The following PLCB1 variants were observed in gnomAD, a reference collection of about 807,000 sequenced individuals.
PLCB1 encodes the protein phospholipase C beta 1.
A neutral mutation model predicts 161.8 loss-of-function variants in PLCB1; 46 were observed. That is an observed-to-expected ratio of 0.28 (90% confidence interval 0.22 to 0.36). The LOEUF (loss-of-function observed/expected upper bound fraction) is 0.36, where lower values mean the gene tolerates loss of function less well. Ranked by LOEUF, PLCB1 falls within the 10% of genes least tolerant of loss-of-function variation. PLCB1 has a pLI of 1.00. For synonymous variants in PLCB1, 517 were observed against 503.7 expected, an observed-to-expected ratio of 1.03 and a Z score of -0.35; for missense variants, 1,016 against 1,472.5, an observed-to-expected ratio of 0.69 and a Z score of 5.07.
In PLCB1 at chr20:8,825,889, G is replaced by A. The variant is rs569103088; in HGVS notation, c.3423+35628G>A. 1.6e-3 allele frequency among the ~76,000 whole-genome samples: 241 copies of A among 152,246 alleles called. 1 individual carries two copies. Among genetic ancestry groups the A allele is most frequent in the African/African-American group, 5.0e-3 (208 of 41,544 alleles). The stretch of plus-strand genomic sequence containing the variant: ...GATGTGAGAAACAGGGCCTGGAGCC[G>A]GATTGGCTGTAGGATACAGGGAAAG... On this transcript the variant is annotated intron_variant, in intron 31 of 31. Coordinates refer to ENST00000338037, the MANE Select transcript of PLCB1 (RefSeq NM_015192.4).
At chr20:8,872,927 G>A (rs75103887) in intron 31 of PLCB1, among the ~76,000 whole-genome samples, 2,334 of 152,166 alleles carry the variant, frequency 0.015, 64 homozygotes, top group South Asian at 0.12. Flanking sequence ...TTAACTGTGA[G>A]TTCCTTTGTT....
At chr20:8,789,914 A>G (rs1179501371) in intron 30 of PLCB1, among the ~76,000 whole-genome samples, 1 of 151,960 alleles carries the variant, frequency 6.6e-6, no homozygotes, top group African/African-American at 2.4e-5. Context: ...TTTTTTTTCC[A>G]ATTTAATGTC....
chr20:8,320,358 A>G (rs1171115919), intron 2 of PLCB1, among the ~76,000 whole-genome samples: 1 of 152,180 alleles, frequency 6.6e-6, no homozygotes, highest in Non-Finnish European at 1.5e-5. Context: ...TTCTGGTAAC[A>G]CAGTTAATTT....
intron 31 of PLCB1, among the ~76,000 whole-genome samples, chr20:8,873,698 T>C (rs944617474): frequency 2.0e-5 from 3 of 152,088 alleles, no homozygotes; most frequent in Non-Finnish European, 4.4e-5. Flanking sequence ...CAACTATAGG[T>C]ACATTTTTTC....
intron 3 of PLCB1, among the ~76,000 whole-genome samples, chr20:8,527,334 A>C (rs557292946): frequency 6.6e-6 from 1 of 152,272 alleles, no homozygotes; most frequent in South Asian, 2.1e-4. Context: ...AATATCAAAA[A>C]TTAAGATTGG....
rs138416676 is a variant in PLCB1, at chr20:8,471,702, C to T, written c.246+100252C>T. ...CTAGGTGAATTGGATTTTGCAGACT[C>T]GCCTTGTTATGTATTTCAAAGAGCT... On this transcript the variant is annotated intron_variant, in intron 3 of 31. Transcript: ENST00000338037. Among the ~76,000 whole-genome samples, 1,249 of 152,202 alleles carry T rather than the reference C, an allele frequency of 8.2e-3. 21 individuals are homozygous for T. Among genetic ancestry groups the T allele is most frequent in the African/African-American group, 0.027 (1,142 of 41,554 alleles).
chr20:8,778,880 A>G (rs1983069798), intron 27 of PLCB1, among the ~76,000 whole-genome samples: 1 of 152,186 alleles, frequency 6.6e-6, no homozygotes, highest in Non-Finnish European at 1.5e-5. Context: ...TGTGTGCCAA[A>G]GCTTCCTACT....
chr20:8,631,365 G>GC (rs1988584154), intron 4 of PLCB1, among the ~76,000 whole-genome samples: 1 of 152,162 alleles, frequency 6.6e-6, no homozygotes, highest in African/African-American at 2.4e-5. Flanking sequence ...TTAAATATTG[G>GC]CAACAGTTGT....
chr20:8,422,548 G>A (rs73591795), intron 3 of PLCB1, among the ~76,000 whole-genome samples: 12,991 of 152,198 alleles, frequency 0.085, 1,778 homozygotes, highest in African/African-American at 0.29. Flanking sequence ...AGGTCTGTAT[G>A]TGATTTCACT....
At chr20:8,778,950 C>G (rs1354000937) in intron 27 of PLCB1, among the ~76,000 whole-genome samples, 2 of 152,088 alleles carry the variant, frequency 1.3e-5, no homozygotes, top group African/African-American at 4.8e-5. Flanking sequence ...TGAAAGGCAC[C>G]CAGAAGTGTT....
At chr20:8,876,258 A>G (rs1987776965) in intron 31 of PLCB1, among the ~76,000 whole-genome samples, 1 of 152,158 alleles carries the variant, frequency 6.6e-6, no homozygotes, top group Non-Finnish European at 1.5e-5. Context: ...TTAAATTTAG[A>G]GGTTAAATTC....
chr20:8,549,776 G>T (rs1423511582), intron 3 of PLCB1, among the ~76,000 whole-genome samples: 1 of 152,096 alleles, frequency 6.6e-6, no homozygotes, highest in South Asian at 2.1e-4. Flanking sequence ...TTGCCATGTT[G>T]CCCAGGCTGG....
intron 2 of PLCB1, among the ~76,000 whole-genome samples, chr20:8,261,531 C>T (rs375426369): frequency 6.6e-6 from 1 of 152,066 alleles, no homozygotes; most frequent in Non-Finnish European, 1.5e-5. Context: ...TGAAGAGAAG[C>T]TTTAACGTGA....
intron 2 of PLCB1, among the ~76,000 whole-genome samples, chr20:8,243,870 G>A (rs1980737275): frequency 6.6e-6 from 1 of 151,862 alleles, no homozygotes; most frequent in African/African-American, 2.4e-5. Context: ...AATCTGTATG[G>A]CATAATTTCA....
chr20:8,219,436 C>T (rs1979298325), intron 2 of PLCB1, among the ~76,000 whole-genome samples: 1 of 152,078 alleles, frequency 6.6e-6, no homozygotes, highest in African/African-American at 2.4e-5. Flanking sequence ...AGTTATAGAG[C>T]CTGGATAGTT....
chr20:8,234,992 A>T lies in PLCB1; in HGVS notation c.177+84621A>T, dbSNP rs994236808. On this transcript the variant is annotated intron_variant, in intron 2 of 31. Transcript: ENST00000338037. ...CACATAGTGAATATGCCTGATGAGT[A>T]GTGATTTTTCAATAATGATTTTTAC... Among the ~76,000 whole-genome samples the T allele has an allele frequency of 3.9e-5, 6 of 152,108 alleles. No individual in the cohort carries two copies. The East Asian group carries it at 9.7e-4, about 24-fold the overall frequency.
intron 3 of PLCB1, among the ~76,000 whole-genome samples, chr20:8,523,488 CTCTCTCTCTATATAT>C (rs1984445221): frequency 1.7e-5 from 1 of 59,376 alleles, no homozygotes; most frequent in African/African-American, 9.4e-5. Context: ...CTCTCTCTCT[CTCTCTCTCTATATAT>C]ATATATATAT....
intron 2 of PLCB1, among the ~76,000 whole-genome samples, chr20:8,293,565 CA>C (rs1384608925): frequency 4.0e-5 from 6 of 151,832 alleles, no homozygotes; most frequent in Admixed American, 6.6e-5. Context: ...ATTTCTGGTA[CA>C]CTGGAAGTCT....
At chr20:8,498,192 G>C (rs1461600624) in intron 3 of PLCB1, among the ~76,000 whole-genome samples, 5 of 152,152 alleles carry the variant, frequency 3.3e-5, no homozygotes, top group Non-Finnish European at 7.3e-5. Flanking sequence ...CTGCCTCCCA[G>C]GATAAAGTGA....
Sources: allele counts gnomAD v4.1 joint callset (sites outside exome capture counted in the v4.1 genomes callset), GRCh38; gene constraint gnomAD v4.1.1; transcripts MANE v1.5; gene names NCBI Gene and HGNC (gene_info 2026-07-23, HGNC 2026-07-21).